RASGRF2: variants seen among roughly 807,000 people sequenced by gnomAD.
RASGRF2 encodes ras-specific guanine nucleotide-releasing factor 2.
A neutral mutation model predicts 151.0 loss-of-function variants in RASGRF2; 76 were observed. The ratio of observed to expected loss-of-function variants is 0.50; its 90% confidence interval spans 0.42 to 0.61. RASGRF2 has a LOEUF of 0.61. RASGRF2 is among the 20% of genes least tolerant of loss of function. RASGRF2 has a pLI of 0.00. For synonymous variants in RASGRF2, 504 were observed against 566.5 expected (o/e 0.89, Z 1.57); for missense variants, 1,148 against 1,564.6 (o/e 0.73, Z 4.49).
chr5:81,115,361 G>A (rs891093720), intron 15 of RASGRF2, among the ~76,000 whole-genome samples: 1 of 152,160 alleles, frequency 6.6e-6, no homozygotes, highest in Non-Finnish European at 1.5e-5. Context: ...ACAAGCTTAA[G>A]CAAAATCATG....
At chr5:81,024,334 A>G (rs1343808060) in intron 1 of RASGRF2, among the ~76,000 whole-genome samples, 3 of 126,938 alleles carry the variant, frequency 2.4e-5, no homozygotes, top group African/African-American at 9.3e-5. Context: ...ATCTCGGCTC[A>G]CTGCAACCTC....
intron 1 of RASGRF2, among the ~76,000 whole-genome samples, chr5:80,988,774 A>G (rs1748555485): frequency 6.6e-6 from 1 of 152,252 alleles, no homozygotes; most frequent in Admixed American, 6.5e-5. Flanking sequence ...ATGTTGCTTA[A>G]TAACGTCTGG....
intron 2 of RASGRF2, among the ~76,000 whole-genome samples, chr5:81,055,391 G>T (rs1212155113): frequency 6.6e-6 from 1 of 152,136 alleles, no homozygotes; most frequent in South Asian, 2.1e-4. Flanking sequence ...TAATCATGTG[G>T]TTTTTATCGT....
intron 12 of RASGRF2, among the ~76,000 whole-genome samples, chr5:81,100,925 G>A (rs1246206977): frequency 1.3e-5 from 2 of 152,138 alleles, no homozygotes; most frequent in Non-Finnish European, 2.9e-5. Flanking sequence ...ACAGTAGACC[G>A]CTGGTCTTTA....
At chr5:81,061,416 T>C (rs927168287) in intron 2 of RASGRF2, among the ~76,000 whole-genome samples, 2 of 152,226 alleles carry the variant, frequency 1.3e-5, no homozygotes, top group African/African-American at 4.8e-5. Flanking sequence ...TATGACAATA[T>C]CTATTTACTA....
intron 1 of RASGRF2, among the ~76,000 whole-genome samples, chr5:81,039,676 A>G (rs1347072161): frequency 6.6e-6 from 1 of 152,198 alleles, no homozygotes; most frequent in Non-Finnish European, 1.5e-5. Flanking sequence ...AAGTAATACA[A>G]CCATAGAGGT....
At chr5:81,192,701 C>T (rs1481917309) in intron 18 of RASGRF2, among the ~76,000 whole-genome samples, 2 of 152,132 alleles carry the variant, frequency 1.3e-5, no homozygotes, top group African/African-American at 2.4e-5. Context: ...TGAAAACCAC[C>T]TTGGTTTAGG....
chr5:81,174,616 G>A lies in RASGRF2; in HGVS notation c.2687-5559G>A, dbSNP rs149963665. 9.2e-5 allele frequency among the ~76,000 whole-genome samples: 14 copies of A among 152,326 alleles called. No individual in the cohort carries two copies. The East Asian group carries it at 2.7e-3, about 29-fold the overall frequency. ...ACAAACTTGATTACCCAGGATTTCA[G>A]GGAAATTAATGCAGATTCTTTAAAC... On this transcript the variant is annotated intron_variant, in intron 17 of 26. Coordinates refer to ENST00000265080, the MANE Select transcript of RASGRF2 (RefSeq NM_006909.3).
chr5:81,221,504 A>G (rs1452194413), intron 26 of RASGRF2, among the ~76,000 whole-genome samples: 1 of 152,078 alleles, frequency 6.6e-6, no homozygotes, highest in Non-Finnish European at 1.5e-5. Flanking sequence ...ACCCCAATCC[A>G]TGTAGGGTTT....
intron 15 of RASGRF2, among the ~76,000 whole-genome samples, chr5:81,120,659 G>A (rs1753281856): frequency 6.6e-6 from 1 of 152,162 alleles, no homozygotes; most frequent in South Asian, 2.1e-4. Context: ...GGAATAAGTT[G>A]TGTGTGGCCA....
At chr5:81,131,142 TG>T (rs1441621861) in intron 17 of RASGRF2, among the ~76,000 whole-genome samples, 3 of 152,196 alleles carry the variant, frequency 2.0e-5, no homozygotes, top group Non-Finnish European at 4.4e-5. Context: ...ACTTCCTTAA[TG>T]CATTAAAAGG....
intron 1 of RASGRF2, among the ~76,000 whole-genome samples, chr5:81,012,760 A>G (rs1300362544): frequency 6.6e-6 from 1 of 151,946 alleles, no homozygotes; most frequent in Non-Finnish European, 1.5e-5. Context: ...ATTGCTGTCT[A>G]GGGGATCCTG....
rs185621437 is a variant in RASGRF2, at chr5:81,119,099, T to A, written c.2471-4543T>A. ...AGCATCATCCTTAACGCTCCATCCA[T>A]GGCAATACAGGCTTTCTCTAGCCCA... is the stretch of plus-strand genomic sequence containing the variant. On this transcript the variant is annotated intron_variant, in intron 15 of 26. Transcript: ENST00000265080. Among the ~76,000 whole-genome samples the A allele has an allele frequency of 1.1e-4, 16 of 152,328 alleles. No homozygotes were observed. In the East Asian group the frequency reaches 2.7e-3, roughly 26 times the overall value.
intron 2 of RASGRF2, among the ~76,000 whole-genome samples, chr5:81,059,862 C>CA (rs926303724): frequency 6.6e-5 from 10 of 151,438 alleles, no homozygotes; most frequent in Admixed American, 1.3e-4. Context: ...AAACAAAAAA[C>CA]AAAAAAAACA....
chr5:81,108,934 G>A, intron 12 of RASGRF2, 62 bp from the exon 13 acceptor site: 1 of 1,547,538 alleles, frequency 6.5e-7, no homozygotes, highest in Middle Eastern at 1.7e-4. Flanking sequence ...AAACAATTGT[G>A]GGAATATATG....
chr5:81,119,208 C>T (rs1414287635), intron 15 of RASGRF2, among the ~76,000 whole-genome samples: 2 of 152,218 alleles, frequency 1.3e-5, no homozygotes, highest in African/African-American at 4.8e-5. Context: ...TAGCAGTAAC[C>T]TCACTTCTCA....
intron 1 of RASGRF2, among the ~76,000 whole-genome samples, chr5:80,999,706 G>A (rs1416199725): frequency 6.6e-6 from 1 of 151,934 alleles, no homozygotes; most frequent in Admixed American, 6.5e-5. Context: ...AGTGGGTGTG[G>A]GTTTTATATC....
intron 5 of RASGRF2, among the ~76,000 whole-genome samples, chr5:81,079,380 G>T (rs1298059705): frequency 6.6e-6 from 1 of 152,194 alleles, no homozygotes; most frequent in Non-Finnish European, 1.5e-5. Flanking sequence ...GATGTCTGTT[G>T]TAATGGAACT....
intron 23 of RASGRF2, among the ~76,000 whole-genome samples, chr5:81,213,218 G>A (rs1755662700): frequency 6.6e-6 from 1 of 152,172 alleles, no homozygotes; most frequent in Admixed American, 6.5e-5. Context: ...ATTCTTTGCT[G>A]ATGATTCATT....
Sources: allele counts gnomAD v4.1 joint callset (sites outside exome capture counted in the v4.1 genomes callset), GRCh38; gene constraint gnomAD v4.1.1; transcripts MANE v1.5; gene names NCBI Gene and HGNC (gene_info 2026-07-23, HGNC 2026-07-21).